RALGPS1: variants seen among roughly 807,000 people sequenced by gnomAD.
The protein encoded by RALGPS1 is ras-specific guanine nucleotide-releasing factor RalGPS1.
Under a neutral mutation model 78.8 loss-of-function variants are expected in RALGPS1, and 19 were observed. The observed-to-expected ratio is 0.24, with a 90% CI of 0.17 to 0.35. The LOEUF is 0.35. Among genes scored for constraint, RALGPS1 ranks in the 10% least tolerant of loss-of-function variants. RALGPS1 has a pLI of 1.00. For synonymous variants in RALGPS1, 228 were observed against 256.3 expected, an observed-to-expected ratio of 0.89 and a Z score of 1.06; for missense variants, 454 against 688.3, an observed-to-expected ratio of 0.66 and a Z score of 3.81.
At chr9:127,173,927 C>T (rs1350051824) in intron 10 of RALGPS1, among the ~76,000 whole-genome samples, 1 of 152,112 alleles carries the variant, frequency 6.6e-6, no homozygotes, top group African/African-American at 2.4e-5. Flanking sequence ...GTATGAGAAT[C>T]GCTTGAACCT....
chr9:127,005,740 A>T (rs182839083), intron 4 of RALGPS1, among the ~76,000 whole-genome samples: 78 of 152,346 alleles, frequency 5.1e-4, no homozygotes, highest in Non-Finnish European at 1.0e-3. Context: ...AGAGGAATTC[A>T]TTCATGACTT....
intron 4 of RALGPS1, among the ~76,000 whole-genome samples, chr9:127,008,248 C>G (rs1009250832): frequency 2.0e-5 from 3 of 152,080 alleles, no homozygotes; most frequent in African/African-American, 7.2e-5. Flanking sequence ...GTATCCTGTA[C>G]CAGCAGCATG....
Position 127,205,890 on chromosome 9 carries a change from C to T in RALGPS1, c.1248-6241C>T, listed in dbSNP as rs1365180498. Among the ~76,000 whole-genome samples, 1 of 152,226 alleles carries T rather than the reference C, an allele frequency of 6.6e-6. No homozygotes were observed. Among genetic ancestry groups the T allele is most frequent in the East Asian group, 1.9e-4 (1 of 5,204 alleles). ...CCTGGCTTGGATCACTGGTGTTGCC[C>T]TGTCCACTTAGCTGTCAGAAGGATG... On this transcript the variant is annotated intron_variant, in intron 14 of 18. Transcript: ENST00000259351. This position sits in a 1 kb window ranked among gnomAD's most constrained non-coding sequence, Gnocchi z 4.0.
chr9:126,947,651 G>T (rs2037407362), intron 1 of RALGPS1, among the ~76,000 whole-genome samples: 2 of 152,180 alleles, frequency 1.3e-5, no homozygotes, highest in Non-Finnish European at 2.9e-5. Flanking sequence ...CTGGTTCTCT[G>T]TCCCCTAAGC....
intron 6 of RALGPS1, among the ~76,000 whole-genome samples, chr9:127,052,272 C>T (rs1180162922): frequency 6.6e-6 from 1 of 152,228 alleles, no homozygotes; most frequent in Admixed American, 6.5e-5. Context: ...CATTTTTCTG[C>T]ACTTACACTC....
chr9:127,097,287 CGGG>C (rs2136652659), intron 8 of RALGPS1, among the ~76,000 whole-genome samples: 1 of 152,190 alleles, frequency 6.6e-6, no homozygotes, highest in African/African-American at 2.4e-5. Context: ...AAAAGGCAAA[CGGG>C]GTAATTCTTT....
intron 8 of RALGPS1, among the ~76,000 whole-genome samples, chr9:127,140,302 A>G (rs2057681502): frequency 6.6e-6 from 1 of 152,210 alleles, no homozygotes; most frequent in Admixed American, 6.5e-5. Context: ...GTGGCTGCCC[A>G]TTCCCAGACC....
At chr9:126,992,418 T>A (rs551531732) in intron 4 of RALGPS1, among the ~76,000 whole-genome samples, 14 of 151,640 alleles carry the variant, frequency 9.2e-5, no homozygotes, top group Admixed American at 7.9e-4. Context: ...CCTCTTCCAC[T>A]CCTTCCACTG....
chr9:127,117,453 G>A (rs567910026), intron 8 of RALGPS1, among the ~76,000 whole-genome samples: 6 of 152,216 alleles, frequency 3.9e-5, no homozygotes, highest in African/African-American at 9.6e-5. Context: ...CTGTGCCAGC[G>A]GCTGGAGGTA....
Position 127,041,045 on chromosome 9 carries a change from G to GTGTGTGTGTGTGTGTC in RALGPS1, c.300+6546_300+6547insCTGTGTGTGTGTGTGT, listed in dbSNP as rs1554802065. Among the ~76,000 whole-genome samples the GTGTGTGTGTGTGTGTC allele has an allele frequency of 6.5e-3, 981 of 151,216 alleles. 11 individuals are homozygous for GTGTGTGTGTGTGTGTC. The highest frequency in any genetic ancestry group is 8.7e-3 in the Non-Finnish European group (589 of 67,730). On this transcript the variant is annotated intron_variant, in intron 5 of 18. Coordinates refer to ENST00000259351, the MANE Select transcript of RALGPS1 (RefSeq NM_014636.3). The stretch of plus-strand genomic sequence containing the variant: ...GCTACAAACATTTGTGTGTGTGTGT[G>GTGTGTGTGTGTGTGTC]TGTGTGTGTGTGTGTGTGTGTATGT...
At chr9:127,187,805 G>A (rs186980265) in intron 11 of RALGPS1, among the ~76,000 whole-genome samples, 67 of 152,242 alleles carry the variant, frequency 4.4e-4, no homozygotes, top group African/African-American at 1.4e-3. Flanking sequence ...TTCATTCTTC[G>A]TTTTCCTTTC....
intron 4 of RALGPS1, among the ~76,000 whole-genome samples, chr9:127,018,445 C>T (rs1044716885): frequency 1.3e-5 from 2 of 151,992 alleles, no homozygotes; most frequent in South Asian, 2.1e-4. Context: ...CCCAGCCTGC[C>T]GAACACGGTG....
At chr9:127,139,649 A>G (rs1323402323) in intron 8 of RALGPS1, among the ~76,000 whole-genome samples, 1 of 152,192 alleles carries the variant, frequency 6.6e-6, no homozygotes, top group Non-Finnish European at 1.5e-5. Context: ...CTCTGACAAG[A>G]CAGGCCTGGG....
At chr9:127,064,897 G>T (rs1353983123) in intron 7 of RALGPS1, among the ~76,000 whole-genome samples, 6 of 101,988 alleles carry the variant, frequency 5.9e-5, no homozygotes, top group Non-Finnish European at 8.1e-5. Flanking sequence ...TTTGGTTTTG[G>T]TTTTGTTTGT....
At chr9:126,989,553 A>G (rs1396170078) in intron 4 of RALGPS1, among the ~76,000 whole-genome samples, 2 of 152,112 alleles carry the variant, frequency 1.3e-5, no homozygotes, top group African/African-American at 2.4e-5. Context: ...TGAGGCACGG[A>G]CCAGGTGCTC....
intron 12 of RALGPS1, among the ~76,000 whole-genome samples, chr9:127,195,526 C>A (rs1476019880): frequency 1.3e-5 from 2 of 152,124 alleles, no homozygotes; most frequent in Non-Finnish European, 2.9e-5. Flanking sequence ...TTTGCCCAAG[C>A]CCAGTTAATG....
chr9:127,085,655 A>G (rs1224201251), intron 8 of RALGPS1, among the ~76,000 whole-genome samples: 1 of 152,200 alleles, frequency 6.6e-6, no homozygotes, highest in African/African-American at 2.4e-5. Context: ...AATAGCTGGT[A>G]TCATGACCTG....
At chr9:127,189,335 G>A (rs912555539) in intron 11 of RALGPS1, among the ~76,000 whole-genome samples, 5 of 152,198 alleles carry the variant, frequency 3.3e-5, no homozygotes, top group African/African-American at 1.2e-4. Context: ...GGCCAGAGGC[G>A]AGGCCGCTTT....
chr9:127,150,606 G>T (rs769115180), intron 8 of RALGPS1, among the ~76,000 whole-genome samples: 3 of 152,176 alleles, frequency 2.0e-5, no homozygotes, highest in Admixed American at 2.0e-4. Context: ...TGAGATGCTC[G>T]TGCTCAGGGA....
Sources: gnomAD v4.1 joint callset for allele counts (sites outside exome capture counted in the v4.1 genomes callset) on GRCh38, gnomAD v4.1.1 for gene constraint, Gnocchi (gnomAD v3.1) non-coding constraint, MANE v1.5 for transcripts, NCBI Gene and HGNC (gene_info 2026-07-23, HGNC 2026-07-21) for gene names.